Variants in PATJ observed in about 807,000 individuals in gnomAD.
PATJ encodes inaD-like protein.
A neutral mutation model predicts 224.9 loss-of-function variants in PATJ; 190 were observed. That is an observed-to-expected ratio of 0.84 (90% CI 0.75 to 0.95). The LOEUF (loss-of-function observed/expected upper bound fraction) is 0.95. PATJ is among the 40% of genes least tolerant of loss of function. The pLI is 0.00. For missense variants in PATJ, 2,121 were observed against 2,270.3 expected (o/e 0.93, Z 1.34); for synonymous variants, 769 against 820.3 (o/e 0.94, Z 1.07).
At chr1:61,904,088 T>C (rs1046113062) in intron 24 of PATJ, among the ~76,000 whole-genome samples, 7 of 152,136 alleles carry the variant, frequency 4.6e-5, no homozygotes, top group African/African-American at 1.7e-4. Flanking sequence ...CTTTGCTTTT[T>C]TCATTCCTTC....
chr1:62,084,734 C>G, intron 33 of PATJ, 86 bp downstream of exon 33: 1 of 1,337,850 alleles, frequency 7.5e-7, no homozygotes, highest in Non-Finnish European at 1.1e-6. Flanking sequence ...CTCTGCAAGA[C>G]TTGCCTTTTT....
intron 28 of PATJ, chr1:61,991,664 T>A: frequency 6.1e-6 from 6 of 985,294 alleles, no homozygotes; most frequent in Non-Finnish European, 6.0e-6. Context: ...ATTACTTTTC[T>A]TTTCTTGTTC....
chr1:62,099,756 T>C (rs1221616684), intron 33 of PATJ, among the ~76,000 whole-genome samples: 1 of 152,196 alleles, frequency 6.6e-6, no homozygotes, highest in East Asian at 1.9e-4. Context: ...AAATGTAAAA[T>C]CTCATCTACT....
intron 39 of PATJ, among the ~76,000 whole-genome samples, chr1:62,123,330 C>T (rs557727023): frequency 6.6e-6 from 1 of 152,024 alleles, no homozygotes; most frequent in South Asian, 2.1e-4. Context: ...CAATCTTAGT[C>T]TTTTAACCTG....
chr1:62,131,941 C>T (rs1398608872), intron 41 of PATJ, among the ~76,000 whole-genome samples: 3 of 151,814 alleles, frequency 2.0e-5, no homozygotes, highest in African/African-American at 7.3e-5. Context: ...CTCCCCCTCC[C>T]GGGTTCAAGC....
chr1:61,949,775 A>C (rs1465166390), intron 27 of PATJ, among the ~76,000 whole-genome samples: 3 of 152,050 alleles, frequency 2.0e-5, no homozygotes, highest in Non-Finnish European at 4.4e-5. Context: ...GTATGGGGGC[A>C]TATGCCTGTA....
intron 17 of PATJ, among the ~76,000 whole-genome samples, chr1:61,840,733 G>C (rs906511327): frequency 6.6e-6 from 1 of 151,924 alleles, no homozygotes; most frequent in South Asian, 2.1e-4. Context: ...ATACTCTTTT[G>C]TTAAAAGGTG....
chr1:62,121,922 G>A (rs1039737137), intron 38 of PATJ, among the ~76,000 whole-genome samples: 1 of 151,820 alleles, frequency 6.6e-6, no homozygotes, highest in Non-Finnish European at 1.5e-5. Context: ...TCAGAAGTGT[G>A]TATACCTTCT....
chr1:62,158,585 G>T (rs906642088), intron 43 of PATJ, among the ~76,000 whole-genome samples: 1 of 148,620 alleles, frequency 6.7e-6, no homozygotes, highest in Non-Finnish European at 1.5e-5. Context: ...GCCAGGCGTG[G>T]TGGCGGGCGC....
rs1665040973 is a variant in PATJ, at chr1:61,864,125, C to T, written c.2440-113C>T. The stretch of plus-strand genomic sequence containing the variant: ...TGCTGTGGAGAGCTGTGCATGTTAG[C>T]TGTGCCTTGGCATATGCAGTCACGC... On this transcript the variant is annotated intron_variant, in intron 19 of 43. Transcript: ENST00000642238. 12 of 779,074 alleles carry T rather than the reference C, an allele frequency of 1.5e-5. No homozygotes were observed. In the South Asian group the frequency reaches 2.2e-4, roughly 14 times the overall value. The allele number at this position is 779,074 out of a possible 1,614,324, so 48.3% of individuals were successfully genotyped here. A position where few individuals can be genotyped will look rare whatever the true frequency, so the allele number is the denominator to read the frequency against.
intron 31 of PATJ, among the ~76,000 whole-genome samples, chr1:62,075,859 A>G (rs1327345171): frequency 6.6e-6 from 1 of 151,692 alleles, no homozygotes; most frequent in Non-Finnish European, 1.5e-5. Context: ...CAGAGCTTGC[A>G]GTGACCAGAG....
At chr1:61,932,589 A>G (rs1198866997) in intron 27 of PATJ, among the ~76,000 whole-genome samples, 1 of 152,220 alleles carries the variant, frequency 6.6e-6, no homozygotes, top group Admixed American at 6.5e-5. Flanking sequence ...AAGAAGAGAA[A>G]GAGGACGCTT....
At position 61,777,724 on chromosome 1, in the gene PATJ, T is replaced by TTTTTTTTTTTTTTTTTTC. The variant is rs765662896; in HGVS notation, c.849+2393_849+2394insTTTTTTTTTTTTTTCTTT. Reference sequence around the variant, plus strand: ...CTTTCTTTTTTTTTTTTTTTTTTTTTTTTAGCATAGTCTTGCTCTTTTGCC... The same window carrying TTTTTTTTTTTTTTTTTTC: ...CTTTCTTTTTTTTTTTTTTTTTTTTTTTTTTTTTTTTTTTTTTCTTTAGCATAGTCTTGCTCTTTTGCC... On this transcript the variant is annotated intron_variant, in intron 7 of 43. Coordinates refer to ENST00000642238, the MANE Select transcript of PATJ (RefSeq NM_001350145.3). Among the ~76,000 whole-genome samples, 44 of 106,032 alleles carry TTTTTTTTTTTTTTTTTTC rather than the reference T, an allele frequency of 4.1e-4. 2 individuals carry two copies. Among genetic ancestry groups the TTTTTTTTTTTTTTTTTTC allele is most frequent in the African/African-American group, 1.0e-3 (27 of 26,688 alleles). The allele number at this position is 106,032 out of a possible 152,430, so 69.6% of individuals were successfully genotyped here.
chr1:61,991,630 T>A (rs1186301087), intron 28 of PATJ: 1 of 985,346 alleles, frequency 1.0e-6, no homozygotes, highest in Non-Finnish European at 1.2e-6. Flanking sequence ...TAAAACCTGT[T>A]TCTGCAAAGA....
intron 29 of PATJ, among the ~76,000 whole-genome samples, chr1:62,029,824 C>T (rs1208246467): frequency 6.6e-6 from 1 of 152,154 alleles, no homozygotes; most frequent in Non-Finnish European, 1.5e-5. Context: ...CTGAGTACCT[C>T]CTGTATGTCA....
Position 62,106,061 on chromosome 1 carries a change from A to T in PATJ, c.4378-2376A>T, listed in dbSNP as rs1221642477. Among the ~76,000 whole-genome samples the T allele has an allele frequency of 2.0e-3, 65 of 32,550 alleles. 3 individuals are homozygous for T. The highest frequency in any genetic ancestry group is 5.1e-3 in the East Asian group (12 of 2,350). The allele number at this position is 32,550 out of a possible 152,430, so 21.4% of individuals were successfully genotyped here. Reference sequence around the variant, plus strand: ...GACTCCTCTTAAAAAAAAAAAAAAAAAAATATATATATATATATACACACA... The same window carrying T: ...GACTCCTCTTAAAAAAAAAAAAAAATAAATATATATATATATATACACACA... On this transcript the variant is annotated intron_variant, in intron 33 of 43. Coordinates refer to ENST00000642238, the MANE Select transcript of PATJ (RefSeq NM_001350145.3).
intron 14 of PATJ, chr1:61,816,503 G>A (rs1406414271): frequency 2.0e-5 from 3 of 152,172 alleles, no homozygotes; most frequent in Admixed American, 6.5e-5. Flanking sequence ...GCACAAATTC[G>A]TGAAGTGTTC....
intron 22 of PATJ, among the ~76,000 whole-genome samples, chr1:61,885,161 A>G (rs1668639173): frequency 6.6e-6 from 1 of 152,184 alleles, no homozygotes; most frequent in South Asian, 2.1e-4. Context: ...TGGCAACAAA[A>G]GCCAAAATTG....
intron 7 of PATJ, among the ~76,000 whole-genome samples, chr1:61,784,447 T>A (rs1648061588): frequency 6.6e-6 from 1 of 152,252 alleles, no homozygotes; most frequent in African/African-American, 2.4e-5. Flanking sequence ...ATGACTATTT[T>A]TGTACTTATG....
Sources: allele counts gnomAD v4.1 joint callset (sites outside exome capture counted in the v4.1 genomes callset), GRCh38; gene constraint gnomAD v4.1.1; transcripts MANE v1.5; gene names NCBI Gene and HGNC (gene_info 2026-07-23, HGNC 2026-07-21).